The following DPYD variants were observed in gnomAD, a reference collection of about 807,000 sequenced individuals.
DPYD encodes dihydropyrimidine dehydrogenase [NADP(+)].
Under a neutral mutation model 116.2 loss-of-function variants are expected in DPYD, and 109 were observed. The observed-to-expected ratio is 0.94, with a 90% confidence interval of 0.80 to 1.10. The LOEUF (loss-of-function observed/expected upper bound fraction) is 1.10, where lower values mean the gene tolerates loss of function less well. Among genes scored for constraint, DPYD ranks in the 50% least tolerant of loss-of-function variants. The pLI is 0.00. For missense variants in DPYD, 1,302 were observed against 1,254.5 expected, an observed-to-expected ratio of 1.04 and a Z score of -0.57; for synonymous variants, 440 against 432.0, an observed-to-expected ratio of 1.02 and a Z score of -0.23.
intron 14 of DPYD, among the ~76,000 whole-genome samples, chr1:97,435,095 G>A (rs1313924346): frequency 6.6e-6 from 1 of 151,892 alleles, no homozygotes; most frequent in Non-Finnish European, 1.5e-5. Flanking sequence ...TGGGGAAAAG[G>A]CTCATTGCCA....
intron 2 of DPYD, among the ~76,000 whole-genome samples, chr1:97,838,217 C>A (rs1320346787): frequency 6.6e-6 from 1 of 152,098 alleles, no homozygotes. Flanking sequence ...GTTTCTAATA[C>A]TATCAAGCAT....
chr1:97,288,594 C>T (rs1665903689), intron 18 of DPYD, among the ~76,000 whole-genome samples: 1 of 151,190 alleles, frequency 6.6e-6, no homozygotes, highest in Admixed American at 6.6e-5. Context: ...CTACTGGGTA[C>T]ATAATGAAAT....
rs898579516 is a variant in DPYD at position 97,173,751 on chromosome 1, A to C, written c.2622+19318T>G. Among the ~76,000 whole-genome samples the C allele has an allele frequency of 3.3e-5, 5 of 150,034 alleles. No individual in the cohort carries two copies. The East Asian group carries it at 9.8e-4, about 30-fold the overall frequency. On this transcript the variant is annotated intron_variant, in intron 20 of 22. Coordinates refer to ENST00000370192, the MANE Select transcript of DPYD (RefSeq NM_000110.4). Reference sequence around the variant, plus strand: ...GTAAAATAAATTCTAATTAGTACCAAAAATCAAAATCTGTCAGAATTATGT... The same window carrying C: ...GTAAAATAAATTCTAATTAGTACCACAAATCAAAATCTGTCAGAATTATGT...
chr1:97,092,752 C>T (rs1221685326), intron 21 of DPYD, among the ~76,000 whole-genome samples: 3 of 152,018 alleles, frequency 2.0e-5, no homozygotes, highest in African/African-American at 4.8e-5. Context: ...CCCCTCAAAC[C>T]TAAAACACTA....
chr1:97,342,712 T>G (rs1669644113), intron 16 of DPYD, among the ~76,000 whole-genome samples: 1 of 152,116 alleles, frequency 6.6e-6, no homozygotes, highest in Admixed American at 6.6e-5. Flanking sequence ...TGTTCAGAAG[T>G]CTAAAAGATA....
chr1:97,214,617 G>C (rs1660251795), intron 19 of DPYD, among the ~76,000 whole-genome samples: 1 of 152,212 alleles, frequency 6.6e-6, no homozygotes, highest in African/African-American at 2.4e-5. Flanking sequence ...GGACTGGGTA[G>C]TGGACTCTCC....
At chr1:97,825,976 AT>A (rs1440955027) in intron 3 of DPYD, among the ~76,000 whole-genome samples, 1 of 152,158 alleles carries the variant, frequency 6.6e-6, no homozygotes, top group Non-Finnish European at 1.5e-5. Flanking sequence ...TATGCTATTA[AT>A]TACTAAATTA....
chr1:97,456,634 T>C (rs1409036222), intron 13 of DPYD, among the ~76,000 whole-genome samples: 1 of 152,042 alleles, frequency 6.6e-6, no homozygotes, highest in African/African-American at 2.4e-5. Flanking sequence ...TCTGGCAGGA[T>C]AAAATTAATT....
At chr1:97,680,847 G>A (rs1660393096) in intron 7 of DPYD, among the ~76,000 whole-genome samples, 1 of 152,048 alleles carries the variant, frequency 6.6e-6, no homozygotes, top group Admixed American at 6.6e-5. Context: ...CAGTTATCAA[G>A]TATGTGCCAG....
chr1:97,695,516 A>C (rs1661246217), intron 6 of DPYD, among the ~76,000 whole-genome samples: 1 of 151,280 alleles, frequency 6.6e-6, no homozygotes, highest in South Asian at 2.1e-4. Flanking sequence ...AGGGCCCATG[A>C]GAAGGCACTT....
At chr1:97,624,285 A>G (rs1656796528) in intron 8 of DPYD, among the ~76,000 whole-genome samples, 1 of 152,112 alleles carries the variant, frequency 6.6e-6, no homozygotes, top group African/African-American at 2.4e-5. Context: ...GCAGTAAAAC[A>G]AAAATCCCAA....
chr1:97,271,186 C>G (rs1454931749), intron 18 of DPYD, among the ~76,000 whole-genome samples: 1 of 152,126 alleles, frequency 6.6e-6, no homozygotes, highest in Non-Finnish European at 1.5e-5. Context: ...ACAGTTCCCT[C>G]TGACTGGAGC....
intron 3 of DPYD, among the ~76,000 whole-genome samples, chr1:97,749,181 C>T (rs997658246): frequency 6.6e-6 from 1 of 152,086 alleles, no homozygotes; most frequent in Non-Finnish European, 1.5e-5. Flanking sequence ...AGCAAATTTC[C>T]GTGACAAAAT....
chr1:97,718,513 T>C (rs1201244987), intron 5 of DPYD, among the ~76,000 whole-genome samples: 3 of 152,004 alleles, frequency 2.0e-5, no homozygotes, highest in African/African-American at 7.2e-5. Flanking sequence ...TAATCCAGTA[T>C]ATTCCTGAAA....
chr1:97,527,663 G>T (rs951886585), intron 12 of DPYD, among the ~76,000 whole-genome samples: 3 of 151,486 alleles, frequency 2.0e-5, no homozygotes, highest in Non-Finnish European at 4.4e-5. Flanking sequence ...GTTATACCTC[G>T]TGGGGTCATG....
chr1:97,532,573 T>C (rs951784263), intron 12 of DPYD, among the ~76,000 whole-genome samples: 8 of 152,132 alleles, frequency 5.3e-5, no homozygotes, highest in African/African-American at 1.7e-4. Flanking sequence ...ATTGGTCTTT[T>C]CAGGTTTTCT....
intron 3 of DPYD, among the ~76,000 whole-genome samples, chr1:97,755,383 C>T (rs1253800052): frequency 1.3e-5 from 2 of 152,154 alleles, no homozygotes; most frequent in African/African-American, 4.8e-5. Flanking sequence ...CTCTCCTAAA[C>T]CTTGGAAGAC....
rs71590220 is a variant in DPYD, at chr1:97,242,124, GTATATATA to G, written c.2300-7138_2300-7131del. 2.1e-3 allele frequency among the ~76,000 whole-genome samples: 77 copies of G among 35,854 alleles called. 1 individual carries two copies. Among genetic ancestry groups the G allele is most frequent in the Middle Eastern group, 0.025 (1 of 40 alleles). 23.5% of individuals were successfully genotyped at this position (35,854 alleles called of 152,430 possible). Reference sequence around the variant, plus strand: ...TAATTTGCAACGTGTGTGTGCGTGTGTATATATATATATATATATATATATATATATAT... The same window carrying G: ...TAATTTGCAACGTGTGTGTGCGTGTGTATATATATATATATATATATATAT... On this transcript the variant is annotated intron_variant, in intron 18 of 22. Coordinates refer to ENST00000370192, the MANE Select transcript of DPYD (RefSeq NM_000110.4).
intron 18 of DPYD, among the ~76,000 whole-genome samples, chr1:97,304,886 G>A (rs12741841): frequency 0.015 from 2,276 of 151,996 alleles, 31 homozygotes; most frequent in South Asian, 0.024. Context: ...TAAATTCTAG[G>A]AAGAATGAAA....
Sources: allele counts gnomAD v4.1 joint callset (sites outside exome capture counted in the v4.1 genomes callset), GRCh38; gene constraint gnomAD v4.1.1; transcripts MANE v1.5; gene names NCBI Gene and HGNC (gene_info 2026-07-23, HGNC 2026-07-21).